The following NAV3 variants were observed in gnomAD, a reference collection of about 807,000 sequenced individuals.
NAV3 encodes pore membrane and/or filament interacting like protein 1.
In NAV3, 87 loss-of-function variants were observed where a neutral mutation model predicts 244.7. That is an observed-to-expected ratio of 0.36 (90% confidence interval 0.30 to 0.42). The LOEUF is 0.42. Among genes scored for constraint, NAV3 ranks in the 20% least tolerant of loss-of-function variants. The probability of loss-of-function intolerance (pLI) is 1.00; values close to 1 mark genes in which losing one functional copy is unlikely to be tolerated. For missense variants in NAV3, 2,663 were observed against 2,893.3 expected (o/e 0.92, Z 1.83); for synonymous variants, 1,126 against 1,042.2 (o/e 1.08, Z -1.55).
At chr12:78,014,117 T>C (rs1163021153) in intron 8 of NAV3, among the ~76,000 whole-genome samples, 1 of 152,086 alleles carries the variant, frequency 6.6e-6, no homozygotes, top group Non-Finnish European at 1.5e-5. Flanking sequence ...AATATAATAA[T>C]TGGTTAATTA....
At chr12:77,746,152 C>T (rs1192131531) in intron 2 of NAV3, among the ~76,000 whole-genome samples, 1 of 152,056 alleles carries the variant, frequency 6.6e-6, no homozygotes, top group Admixed American at 6.6e-5. Context: ...GATGGCTACT[C>T]TGAGCTGTGT....
intron 20 of NAV3, 29 bp downstream of exon 20, chr12:78,140,363 G>A (rs1165717963): frequency 6.3e-7 from 1 of 1,577,320 alleles, no homozygotes; most frequent in Non-Finnish European, 8.7e-7. Flanking sequence ...GAAAAAGCTT[G>A]TGCTTTTGCC....
intron 16 of NAV3, among the ~76,000 whole-genome samples, chr12:78,126,053 C>T (rs1244089245): frequency 5.3e-5 from 8 of 152,096 alleles, no homozygotes; most frequent in Non-Finnish European, 1.2e-4. Context: ...GTTTGTTTAT[C>T]CACAGTACTT....
At chr12:77,634,279 T>C (rs1252270619) in intron 2 of NAV3, among the ~76,000 whole-genome samples, 1 of 152,200 alleles carries the variant, frequency 6.6e-6, no homozygotes, top group African/African-American at 2.4e-5. Flanking sequence ...GCGTTGTCCT[T>C]ATCTATGGAT....
intron 2 of NAV3, among the ~76,000 whole-genome samples, chr12:77,587,122 A>T (rs1308341906): frequency 1.3e-5 from 2 of 152,180 alleles, no homozygotes; most frequent in Admixed American, 6.5e-5. Flanking sequence ...GTTTTGCATC[A>T]TCTATGTAAA....
chr12:77,760,628 G>A (rs1869413810), intron 2 of NAV3, among the ~76,000 whole-genome samples: 1 of 152,060 alleles, frequency 6.6e-6, no homozygotes, highest in East Asian at 1.9e-4. Context: ...TGAAATTCTT[G>A]GTATAAATTA....
chr12:78,068,788 C>A (rs917785577), intron 12 of NAV3, among the ~76,000 whole-genome samples: 8 of 150,750 alleles, frequency 5.3e-5, no homozygotes, highest in African/African-American at 1.9e-4. Context: ...ATGTTTGGCT[C>A]ATAAAATGAA....
chr12:78,124,752 C>T (rs889026926), intron 16 of NAV3, among the ~76,000 whole-genome samples: 1 of 152,048 alleles, frequency 6.6e-6, no homozygotes, highest in African/African-American at 2.4e-5. Flanking sequence ...TGGCACCAGC[C>T]TGAAATAGGC....
intron 12 of NAV3, among the ~76,000 whole-genome samples, chr12:78,103,010 A>G (rs1398900987): frequency 6.6e-6 from 1 of 152,164 alleles, no homozygotes; most frequent in Non-Finnish European, 1.5e-5. Flanking sequence ...TGTCTTGGGG[A>G]TTAACACTGG....
chr12:78,012,204 C>T (rs545539201), intron 8 of NAV3, among the ~76,000 whole-genome samples: 2 of 152,262 alleles, frequency 1.3e-5, no homozygotes, highest in Admixed American at 1.3e-4. Flanking sequence ...CTTCCTAACC[C>T]TTCTTCTGAA....
chr12:77,781,284 C>G (rs1347197090), intron 2 of NAV3, among the ~76,000 whole-genome samples: 1 of 152,102 alleles, frequency 6.6e-6, no homozygotes, highest in Non-Finnish European at 1.5e-5. Context: ...GAACATGCCT[C>G]TTTTTACCCT....
intron 1 of NAV3, among the ~76,000 whole-genome samples, chr12:77,898,707 C>T (rs1176163165): frequency 2.6e-5 from 4 of 152,106 alleles, no homozygotes; most frequent in East Asian, 3.8e-4. Context: ...TTTTCTAAAA[C>T]GTGGACAAAT....
chr12:77,935,738 G>T (rs1889259120), intron 1 of NAV3, among the ~76,000 whole-genome samples: 1 of 152,160 alleles, frequency 6.6e-6, no homozygotes, highest in African/African-American at 2.4e-5. Flanking sequence ...TCACAGTTCT[G>T]CAGGCTCCAA....
chr12:78,081,328 A>G (rs921150479), intron 12 of NAV3, among the ~76,000 whole-genome samples: 3 of 152,176 alleles, frequency 2.0e-5, no homozygotes, highest in Admixed American at 1.3e-4. Flanking sequence ...GGTACAACTA[A>G]TGAACCTGGT....
chr12:77,876,368 TAGGAAGTAGG>T (rs1032967049), intron 1 of NAV3, among the ~76,000 whole-genome samples: 3 of 152,062 alleles, frequency 2.0e-5, no homozygotes, highest in African/African-American at 7.2e-5. Context: ...AGCAGGAATA[TAGGAAGTAGG>T]AGGAACAAGG....
At chr12:78,070,106 T>A (rs564923693) in intron 12 of NAV3, among the ~76,000 whole-genome samples, 6 of 152,296 alleles carry the variant, frequency 3.9e-5, no homozygotes, top group African/African-American at 1.4e-4. Context: ...TATATTTTAC[T>A]CTAACGTCAG....
Position 78,177,149 on chromosome 12 carries a change from T to C in NAV3, c.5133T>C (p.Ser1711=). 1 of 1,613,290 alleles carries C rather than the reference T, an allele frequency of 6.2e-7. No individual in the cohort carries two copies. The highest frequency in any genetic ancestry group is 8.5e-7 in the Non-Finnish European group (1 of 1,179,528). Residue 1711 remains serine, a synonymous_variant, in exon 27 of 40, where the codon AGT becomes AGC. Coordinates refer to ENST00000397909, the MANE Select transcript of NAV3 (RefSeq NM_001024383.2). ...WVNSRGSELR[S]SFKQAFGKKK... is the part of the protein sequence containing the mutation. Reference sequence around the variant, plus strand: ...TTCTGTCCTTGTTTCAGCTGAGAAGTTCTTTCAAACAAGCCTTTGGGAAGA... The same window carrying C: ...TTCTGTCCTTGTTTCAGCTGAGAAGCTCTTTCAAACAAGCCTTTGGGAAGA...
intron 2 of NAV3, among the ~76,000 whole-genome samples, chr12:77,579,317 T>C (rs1435949303): frequency 6.6e-6 from 1 of 152,198 alleles, no homozygotes; most frequent in Non-Finnish European, 1.5e-5. Context: ...GAGCAATACA[T>C]TGAAAAGAAG....
intron 12 of NAV3, among the ~76,000 whole-genome samples, chr12:78,074,057 A>G (rs1390378163): frequency 6.6e-6 from 1 of 152,240 alleles, no homozygotes; most frequent in Non-Finnish European, 1.5e-5. Flanking sequence ...GCAAAAGGAA[A>G]TAAAAGCAAT....
Sources: allele counts gnomAD v4.1 joint callset (sites outside exome capture counted in the v4.1 genomes callset), GRCh38; gene constraint gnomAD v4.1.1; transcripts MANE v1.5; gene names NCBI Gene and HGNC (gene_info 2026-07-23, HGNC 2026-07-21).